The following FECH variants were observed in gnomAD, a reference collection of about 807,000 sequenced individuals.
The protein encoded by FECH is ferrochelatase, mitochondrial.
A neutral mutation model predicts 56.9 loss-of-function variants in FECH; 40 were observed. That is an observed-to-expected ratio of 0.70 (90% CI 0.55 to 0.92). FECH has a LOEUF of 0.92. Ranked by LOEUF, FECH falls within the 40% of genes least tolerant of loss-of-function variation. The probability of loss-of-function intolerance (pLI) is 0.00; values close to 1 mark genes in which losing one functional copy is unlikely to be tolerated. For missense variants in FECH, 431 were observed against 529.1 expected (o/e 0.81, Z 1.82); for synonymous variants, 175 against 198.6 (o/e 0.88, Z 1.00).
In FECH at chr18:57,548,265, A is replaced by C. The variant is rs1568139691; in HGVS notation, c.*2447T>G. The C allele has an allele frequency of 6.9e-6, 1 of 145,752 alleles. No individual in the cohort carries two copies. Among genetic ancestry groups the C allele is most frequent in the East Asian group, 2.0e-4 (1 of 5,058 alleles). The allele number at this position is 145,752 out of a possible 1,614,324, so 9.0% of individuals were successfully genotyped here. On this transcript the variant is annotated 3_prime_UTR_variant, in exon 11 of 11. Transcript: ENST00000262093. ...GACTCCATCTTAAAAAAAAAAAAAAACAAAACAAAACAATGAGTTCATTTC... is the reference window on the plus strand; with the variant it reads ...GACTCCATCTTAAAAAAAAAAAAAACCAAAACAAAACAATGAGTTCATTTC...
At position 57,586,598 on chromosome 18, in the gene FECH, A is replaced by T. The variant is rs1296561038; in HGVS notation, c.23T>A (p.Met8Lys). The T allele has an allele frequency of 2.0e-6, 3 of 1,523,646 alleles. No homozygotes were observed. The allele number at this position is 1,523,646 out of a possible 1,614,324, so 94.4% of individuals were successfully genotyped here. The change falls in exon 1 of 11, where the codon ATG becomes AAG. Residue 8 changes from methionine (M) to lysine (K), a missense_variant. Transcript: ENST00000262093. ...GCCCGCGGCGCGCAGGGCCGCAGCCATGTTTGCGCCGAGTGAACGCATTGC... is the reference window on the plus strand; with the variant it reads ...GCCCGCGGCGCGCAGGGCCGCAGCCTTGTTTGCGCCGAGTGAACGCATTGC... MRSLGANMAAALRAAGVL... is the reference protein window; with the variant it reads MRSLGANKAAALRAAGVL...
chr18:57,584,148 C>T lies in FECH; in HGVS notation c.67+2406G>A, dbSNP rs182881700. ...TGAGCCGAGATCATGCCACTGCACT[C>T]CAGCCTGTCGACAGAGCGAGACTCC... On this transcript the variant is annotated intron_variant, in intron 1 of 10. Transcript: ENST00000262093. Among the ~76,000 whole-genome samples, 1,118 of 150,402 alleles carry T rather than the reference C, an allele frequency of 7.4e-3. 16 individuals carry two copies. The highest frequency in any genetic ancestry group is 6.7e-3 in the Non-Finnish European group (455 of 67,712).
In FECH at chr18:57,545,700, T is replaced by C. The variant is rs1280653505; in HGVS notation, c.*5012A>G. Among the ~76,000 whole-genome samples, 1 of 151,936 alleles carries C rather than the reference T, an allele frequency of 6.6e-6. No homozygotes were observed. Among genetic ancestry groups the C allele is most frequent in the African/African-American group, 2.4e-5 (1 of 41,344 alleles). On this transcript the variant is annotated 3_prime_UTR_variant, in exon 11 of 11. Transcript: ENST00000262093. ...AGGTACCCACCACTTGGCTGAGTGC[T>C]ATATAGCTCTACACACTTTATATTT...
intron 6 of FECH, among the ~76,000 whole-genome samples, chr18:57,559,827 G>A (rs1221524974): frequency 1.3e-5 from 2 of 152,214 alleles, no homozygotes; most frequent in South Asian, 4.2e-4. Context: ...TCACAGAGCC[G>A]GGAAAGATGT....
At chr18:57,556,984 G>A (rs2122260468) in intron 7 of FECH, among the ~76,000 whole-genome samples, 1 of 151,096 alleles carries the variant, frequency 6.6e-6, no homozygotes, top group Admixed American at 6.6e-5. Flanking sequence ...TCACAGATTG[G>A]AGGATGCTGA....
At chr18:57,572,014 G>A (rs967856200) in intron 3 of FECH, among the ~76,000 whole-genome samples, 1 of 152,172 alleles carries the variant, frequency 6.6e-6, no homozygotes, top group Non-Finnish European at 1.5e-5. Flanking sequence ...CAAACTAATT[G>A]TCCACCATGA....
chr18:57,561,046 C>T (rs8092783), intron 6 of FECH, among the ~76,000 whole-genome samples: 5,840 of 152,076 alleles, frequency 0.038, 367 homozygotes, highest in African/African-American at 0.13. Context: ...ATTTTCTGGT[C>T]TTTGCAGTGT....
At position 57,547,381 on chromosome 18, in the gene FECH, G is replaced by C. The variant is rs2050733388; in HGVS notation, c.*3331C>G. On this transcript the variant is annotated 3_prime_UTR_variant, in exon 11 of 11. Coordinates refer to ENST00000262093, the MANE Select transcript of FECH (RefSeq NM_000140.5). ...AATCCCCATAATCCCCACGTGTTGAGGGAGGGACCTGGTGGAAGGAGATTG... is the reference window on the plus strand; with the variant it reads ...AATCCCCATAATCCCCACGTGTTGACGGAGGGACCTGGTGGAAGGAGATTG... Among the ~76,000 whole-genome samples the C allele has an allele frequency of 6.6e-6, 1 of 152,096 alleles. No individual in the cohort carries two copies. The highest frequency in any genetic ancestry group is 1.5e-5 in the Non-Finnish European group (1 of 68,006).
intron 6 of FECH, among the ~76,000 whole-genome samples, chr18:57,560,319 C>T (rs140031728): frequency 1.6e-3 from 251 of 152,238 alleles, no homozygotes; most frequent in Non-Finnish European, 3.0e-3. Flanking sequence ...ACACACGGGG[C>T]GTGTAAATGA....
chr18:57,563,310 G>A (rs1598992227), intron 5 of FECH, among the ~76,000 whole-genome samples: 2 of 152,080 alleles, frequency 1.3e-5, no homozygotes, highest in Non-Finnish European at 2.9e-5. Flanking sequence ...GGCCAGGCAC[G>A]GTGGCTCACG....
At chr18:57,566,636 C>G in intron 4 of FECH, 55 bp from the exon 5 acceptor site, 2 of 1,602,530 alleles carry the variant, frequency 1.2e-6, no homozygotes, top group Non-Finnish European at 1.7e-6. Context: ...ATAGATTCCT[C>G]AGAGTCAACA....
At chr18:57,560,606 G>A (rs72940343) in intron 6 of FECH, among the ~76,000 whole-genome samples, 14,515 of 152,232 alleles carry the variant, frequency 0.095, 903 homozygotes, top group African/African-American at 0.17. Context: ...AGCTATGATC[G>A]TTCCACTCAA....
chr18:57,585,771 T>C (rs1365899329), intron 1 of FECH: 3 of 152,230 alleles, frequency 2.0e-5, no homozygotes, highest in African/African-American at 7.2e-5. Context: ...GCTAGACATC[T>C]TGAGGATGCC....
chr18:57,554,835 A>G lies in FECH; in HGVS notation c.912+10T>C. On this transcript the variant is annotated intron_variant, in intron 8 of 10. Transcript: ENST00000262093. Reference sequence around the variant, plus strand: ...AGAGCTGGCCGCCCGCCAGTGTGGAAGCCACTTACCTTGGATTGCCACACC... The same window carrying G: ...AGAGCTGGCCGCCCGCCAGTGTGGAGGCCACTTACCTTGGATTGCCACACC... 1 of 1,610,726 alleles carries G rather than the reference A, an allele frequency of 6.2e-7. No homozygotes were observed. Among genetic ancestry groups the G allele is most frequent in the Non-Finnish European group, 8.5e-7 (1 of 1,176,852 alleles).
In FECH at chr18:57,545,527, C is replaced by A. The variant is rs1399890996; in HGVS notation, c.*5185G>T. Among the ~76,000 whole-genome samples, 52 of 152,170 alleles carry A rather than the reference C, an allele frequency of 3.4e-4. No individual in the cohort carries two copies. Among genetic ancestry groups the A allele is most frequent in the Admixed American group, 3.4e-3 (52 of 15,278 alleles). On this transcript the variant is annotated 3_prime_UTR_variant, in exon 11 of 11. Coordinates refer to ENST00000262093, the MANE Select transcript of FECH (RefSeq NM_000140.5). ...ATAGGAGGAATGTGTTCTCTAGAGG[C>A]AACCACCTCCCAGAACTACTCTTTG...
At chr18:57,554,210 T>G (rs958473970) in intron 9 of FECH, 50 bp downstream of exon 9, 3 of 1,608,740 alleles carry the variant, frequency 1.9e-6, no homozygotes, top group Non-Finnish European at 2.6e-6. Context: ...CAGAAAAAAT[T>G]TCCTTTTAAA....
rs368388625 is a variant in FECH at position 57,559,181 on chromosome 18, C to T, written c.768G>A (p.Val256=). 1 of 1,613,730 alleles carries T rather than the reference C, an allele frequency of 6.2e-7. No homozygotes were observed. The highest frequency in any genetic ancestry group is 1.7e-5 in the Admixed American group (1 of 60,024). ...DHFPLEKRSE[V]VILFSAHSLP... is the part of the protein sequence containing the mutation. ...GTGAGTGAGCAGAAAACAGAATGACCACCTCGCTTCTCTTCTCAAGTGGAA... is the reference window on the plus strand; with the variant it reads ...GTGAGTGAGCAGAAAACAGAATGACTACCTCGCTTCTCTTCTCAAGTGGAA... Residue 256 remains valine (V), a synonymous_variant, in exon 7 of 11, where the codon GTG becomes GTA. Transcript: ENST00000262093.
chr18:57,562,768 C>A, intron 6 of FECH, 106 bp downstream of exon 6: 1 of 810,482 alleles, frequency 1.2e-6, no homozygotes, highest in Non-Finnish European at 2.2e-6. Flanking sequence ...ACAATTTAAG[C>A]AAGGGAACAG....
chr18:57,549,735 A>G lies in FECH; in HGVS notation c.*977T>C, dbSNP rs1367151654. ...GTGGTTACTTTTCTGTATTCTTCAC[A>G]TGTCCCATTGTATCACTATACATTT... On this transcript the variant is annotated 3_prime_UTR_variant, in exon 11 of 11. Coordinates refer to ENST00000262093, the MANE Select transcript of FECH (RefSeq NM_000140.5). The G allele has an allele frequency of 1.3e-5, 2 of 152,226 alleles. No homozygotes were observed. Among genetic ancestry groups the G allele is most frequent in the Non-Finnish European group, 2.9e-5 (2 of 68,034 alleles). 9.4% of individuals were successfully genotyped at this position (152,226 alleles called of 1,614,324 possible). A position where few individuals can be genotyped will look rare whatever the true frequency, so the allele number is the denominator to read the frequency against.
Sources: allele counts gnomAD v4.1 joint callset (sites outside exome capture counted in the v4.1 genomes callset), GRCh38; gene constraint gnomAD v4.1.1; transcripts MANE v1.5; gene names NCBI Gene and HGNC (gene_info 2026-07-23, HGNC 2026-07-21).